The following TNK2 variants were observed in gnomAD, a reference collection of about 807,000 sequenced individuals.
TNK2 encodes the protein tyrosine kinase non receptor 2.
TNK2 carries 83 observed loss-of-function variants against 101.8 expected under a neutral mutation model. The ratio of observed to expected loss-of-function variants is 0.82; its 90% CI spans 0.68 to 0.98. The LOEUF (loss-of-function observed/expected upper bound fraction) is 0.98, where lower values mean the gene tolerates loss of function less well. TNK2 is among the 50% of genes least tolerant of loss of function. TNK2 has a pLI of 0.00. For synonymous variants in TNK2, 804 were observed against 633.0 expected (o/e 1.27, Z -4.06); for missense variants, 1,665 against 1,483.2 (o/e 1.12, Z -2.01).
At chr3:195,892,509 C>G (rs1034444433) in intron 1 of TNK2, 8 of 1,534,536 alleles carry the variant, frequency 5.2e-6, no homozygotes, top group South Asian at 1.2e-5. Flanking sequence ...CGGGACCCCC[C>G]CGAGCAGTCA....
intron 1 of TNK2, among the ~76,000 whole-genome samples, chr3:195,903,785 C>T (rs532737211): frequency 1.3e-5 from 2 of 152,154 alleles, no homozygotes; most frequent in South Asian, 4.1e-4. Flanking sequence ...AAGCAACAGG[C>T]ATAAAGATCA....
intron 1 of TNK2, among the ~76,000 whole-genome samples, chr3:195,898,041 A>G (rs895934139): frequency 6.6e-6 from 1 of 151,916 alleles, no homozygotes; most frequent in Non-Finnish European, 1.5e-5. Flanking sequence ...GAGGCTGCAC[A>G]GGTACCACAC....
chr3:195,881,518 C>G (rs1336203876), intron 6 of TNK2, among the ~76,000 whole-genome samples: 5 of 82,396 alleles, frequency 6.1e-5, no homozygotes, highest in Non-Finnish European at 4.5e-5. Flanking sequence ...GAGGACACGG[C>G]ATCTATCCCT....
At position 195,888,361 on chromosome 3, in the gene TNK2, T is replaced by C; in HGVS notation, c.163+65A>G. On this transcript the variant is annotated intron_variant, in intron 2 of 15. Transcript: ENST00000672887. This position sits in a 1 kb window ranked among gnomAD's most constrained non-coding sequence, Gnocchi z 5.3. ...TCTCAGCTGCCACCCGTGCACCGAG[T>C]GGTCCTGAGGACAGAGGACGGAAAG... 1 of 1,544,568 alleles carries C rather than the reference T, an allele frequency of 6.5e-7. No individual in the cohort carries two copies. Among genetic ancestry groups the C allele is most frequent in the Non-Finnish European group, 8.8e-7 (1 of 1,131,114 alleles).
chr3:195,867,716 G>A lies in TNK2; in HGVS notation c.2582C>T (p.Pro861Leu). 1 of 1,606,964 alleles carries A rather than the reference G, an allele frequency of 6.2e-7. No homozygotes were observed. The highest frequency in any genetic ancestry group is 8.5e-7 in the Non-Finnish European group (1 of 1,177,728). The change falls in exon 13 of 16, where the codon CCC becomes CTC. Residue 861 changes from proline (P) to leucine (L), a missense_variant. Around this residue, in one of 3 missense-constraint regions of TNK2, gnomAD observed 1,136 missense variants for 894.9 expected, o/e 1.27. Coordinates refer to ENST00000672887, the MANE Select transcript of TNK2 (RefSeq NM_001382273.1). ...PGPRAGPCIL[P>L]IVRDGKKVSS... The stretch of plus-strand genomic sequence containing the variant: ...GACCTTCTTGCCATCCCGGACGATG[G>A]GCAGGATGCAGGGACCAGCCCGCGG...
chr3:195,870,221 C>T lies in TNK2; in HGVS notation c.1452-16G>A, dbSNP rs1458664826. On this transcript the variant is annotated splice_polypyrimidine_tract_variant and intron_variant, in intron 10 of 15. Transcript: ENST00000672887. ...CAGATACAGTCTGTGGGGGAGAGAG[C>T]TGGGTCAAGAGAGCAGGGGAAGCGT... 1.3e-6 allele frequency: 2 copies of T among 1,599,750 alleles called. No individual in the cohort carries two copies. Among genetic ancestry groups the T allele is most frequent in the South Asian group, 2.2e-5 (2 of 89,360 alleles).
rs1349821529 is a variant in TNK2 at position 195,881,642 on chromosome 3, C to G, written c.887+409G>C. 1.4e-4 allele frequency among the ~76,000 whole-genome samples: 15 copies of G among 107,416 alleles called. 2 individuals carry two copies. The highest frequency in any genetic ancestry group is 1.1e-3 in the Admixed American group (12 of 10,490). 70.5% of individuals were successfully genotyped at this position (107,416 alleles called of 152,430 possible). On this transcript the variant is annotated intron_variant, in intron 6 of 15. Transcript: ENST00000672887. ...AGCATCTATCCTTGTAACACCCCCC[C>G]CCCAGCAACGCCCTTTGGAGAGGAC...
At chr3:195,895,628 G>A (rs927857615) in intron 1 of TNK2, 64 of 1,284,034 alleles carry the variant, frequency 5.0e-5, no homozygotes, top group Middle Eastern at 2.9e-4. Flanking sequence ...CCCACCGAGA[G>A]CCGGGGCTCT....
chr3:195,897,708 C>T (rs984282668), intron 1 of TNK2, among the ~76,000 whole-genome samples: 1 of 151,900 alleles, frequency 6.6e-6, no homozygotes, highest in Non-Finnish European at 1.5e-5. Flanking sequence ...CGTCATGTTG[C>T]CCAGGTTGGT....
chr3:195,864,315 A>G, intron 15 of TNK2, 128 bp from the exon 16 acceptor site: 1 of 990,376 alleles, frequency 1.0e-6, no homozygotes, highest in Non-Finnish European at 1.6e-6. Flanking sequence ...GGACTGTAAA[A>G]TTTATCATCC....
Position 195,886,783 on chromosome 3 carries a change from G to A in TNK2, c.234+194C>T, listed in dbSNP as rs1335983600. ...TGCTCACGTGTCCGTATCTGGCGGA[G>A]ACAGACACTTAGCCCAGCAGCTCTA... is the stretch of plus-strand genomic sequence containing the variant. On this transcript the variant is annotated intron_variant, in intron 3 of 15. Transcript: ENST00000672887. The surrounding 1 kb of genome is among the most constrained non-coding windows in gnomAD (Gnocchi z 4.2). 6.6e-6 allele frequency among the ~76,000 whole-genome samples: 1 copy of A among 152,196 alleles called. No individual in the cohort carries two copies. The highest frequency in any genetic ancestry group is 2.4e-5 in the African/African-American group (1 of 41,462).
In TNK2 at chr3:195,888,089, G is replaced by C. The variant is rs1014094375; in HGVS notation, c.163+337C>G. Among the ~76,000 whole-genome samples, 24 of 152,072 alleles carry C rather than the reference G, an allele frequency of 1.6e-4. No individual in the cohort carries two copies. The highest frequency in any genetic ancestry group is 5.6e-4 in the African/African-American group (23 of 41,418). On this transcript the variant is annotated intron_variant, in intron 2 of 15. Transcript: ENST00000672887. This position sits in a 1 kb window ranked among gnomAD's most constrained non-coding sequence, Gnocchi z 5.3. ...TTCTCCCTACAGATCTCTGCACATG[G>C]ACCCCCCGGTAGTCAGAATGATGAG...
chr3:195,891,301 G>A (rs1195279310), intron 1 of TNK2, among the ~76,000 whole-genome samples: 1 of 152,226 alleles, frequency 6.6e-6, no homozygotes, highest in East Asian at 1.9e-4. Flanking sequence ...AGCTACTCAG[G>A]AGGCTGAGGC....
At chr3:195,877,203 C>T (rs1749899465) in intron 9 of TNK2, among the ~76,000 whole-genome samples, 1 of 152,192 alleles carries the variant, frequency 6.6e-6, no homozygotes, top group Non-Finnish European at 1.5e-5. Context: ...TTTCTAGAAC[C>T]TTCTGCATTC....
In TNK2 at chr3:195,884,844, T is replaced by C. The variant is rs1201070236; in HGVS notation, c.424A>G (p.Arg142Gly). 6.2e-7 allele frequency: 1 copy of C among 1,612,928 alleles called. No homozygotes were observed. Among genetic ancestry groups the C allele is most frequent in the Non-Finnish European group, 8.5e-7 (1 of 1,179,916 alleles). Residue 142 changes from arginine to glycine, a missense_variant, in exon 4 of 16, where the codon AGG becomes GGG. Physicochemically the swap from Arg to Gly is moderately radical, Grantham distance 125. This residue lies in a region of TNK2 where 490 missense variants were observed against 522.5 expected (regional missense o/e 0.94). Transcript: ENST00000672887. ...LGDGSFGVVR[R>G]GEWDAPSGKT... Reference sequence around the variant, plus strand: ...CCTGAGGGCGCGTCCCACTCGCCCCTGCGCACCACGCCAAAGGAACCATCA... The same window carrying C: ...CCTGAGGGCGCGTCCCACTCGCCCCCGCGCACCACGCCAAAGGAACCATCA...
intron 1 of TNK2, chr3:195,892,680 A>AGGT (rs1759066251): frequency 6.4e-6 from 9 of 1,403,120 alleles, no homozygotes; most frequent in Middle Eastern, 2.6e-4. Context: ...CAGGGAGCAG[A>AGGT]GCTTTCCTCA....
At position 195,878,927 on chromosome 3, in the gene TNK2, GA is replaced by G. The variant is rs1251573983; in HGVS notation, c.1014+121del. ...TGGTGGGAGGCACGGGAAGTGGGGGGAGGCACGGGGCGTGGGAGGAGGGAGT... is the reference window on the plus strand; with the variant it reads ...TGGTGGGAGGCACGGGAAGTGGGGGGGGCACGGGGCGTGGGAGGAGGGAGT... On this transcript the variant is annotated intron_variant, in intron 7 of 15. Transcript: ENST00000672887. This position sits in a 1 kb window ranked among gnomAD's most constrained non-coding sequence, Gnocchi z 4.7. The G allele has an allele frequency of 3.3e-5, 49 of 1,469,320 alleles. No homozygotes were observed. The highest frequency in any genetic ancestry group is 2.9e-5 in the Non-Finnish European group (32 of 1,085,516). The allele number at this position is 1,469,320 out of a possible 1,614,324, so 91.0% of individuals were successfully genotyped here.
At chr3:195,887,945 T>TGCAC (rs1756772366) in intron 2 of TNK2, among the ~76,000 whole-genome samples, 2 of 105,278 alleles carry the variant, frequency 1.9e-5, no homozygotes, top group East Asian at 2.8e-4. Context: ...CGCATGTGCG[T>TGCAC]GTGTGCCTGC....
chr3:195,876,126 G>T (rs937325798), intron 9 of TNK2, among the ~76,000 whole-genome samples: 10 of 152,172 alleles, frequency 6.6e-5, no homozygotes, highest in Non-Finnish European at 1.5e-4. Context: ...CACCCGCTCT[G>T]TATGCGGAAC....
Sources: gnomAD v4.1 joint callset for allele counts (sites outside exome capture counted in the v4.1 genomes callset) on GRCh38, gnomAD v4.1.1 for gene constraint, gnomAD v4.1.1 regional missense constraint, Gnocchi (gnomAD v3.1) non-coding constraint, MANE v1.5 for transcripts, NCBI Gene and HGNC (gene_info 2026-07-23, HGNC 2026-07-21) for gene names.